The following CAMK1G variants were observed in gnomAD, a reference collection of about 807,000 sequenced individuals.
CAMK1G encodes calcium/calmodulin dependent protein kinase IG.
CAMK1G carries 27 observed loss-of-function variants against 54.8 expected under a neutral mutation model. The observed-to-expected ratio is 0.49, with a 90% CI of 0.36 to 0.68. CAMK1G has a LOEUF of 0.68. CAMK1G is among the 30% of genes least tolerant of loss of function. The pLI, the probability that CAMK1G is intolerant of heterozygous loss-of-function variation, is 0.00. For synonymous variants in CAMK1G, 238 were observed against 224.9 expected (o/e 1.06, Z -0.52); for missense variants, 512 against 591.0 (o/e 0.87, Z 1.39).
chr1:209,607,766 C>A, intron 6 of CAMK1G, 92 bp from the exon 7 acceptor site: 1 of 1,024,144 alleles, frequency 9.8e-7, no homozygotes. Flanking sequence ...ACAGTCTTCC[C>A]CAGACCTCTT....
At chr1:209,612,573 C>T (rs916845101) in intron 11 of CAMK1G, among the ~76,000 whole-genome samples, 1 of 152,192 alleles carries the variant, frequency 6.6e-6, no homozygotes, top group Non-Finnish European at 1.5e-5. Flanking sequence ...GCATCAGATT[C>T]CCCGAGTTTC....
intron 1 of CAMK1G, among the ~76,000 whole-genome samples, chr1:209,586,852 C>A (rs1338921610): frequency 2.0e-5 from 3 of 152,108 alleles, no homozygotes; most frequent in Non-Finnish European, 4.4e-5. Context: ...GCATGAAGCC[C>A]TAGAGAATGA....
intron 6 of CAMK1G, 73 bp downstream of exon 6, chr1:209,606,516 G>T: frequency 6.5e-7 from 1 of 1,541,416 alleles, no homozygotes; most frequent in Non-Finnish European, 8.9e-7. Context: ...CATAGAAAGG[G>T]GTGATTCTGA....
intron 8 of CAMK1G, 104 bp from the exon 9 acceptor site, chr1:209,609,747 A>T (rs1665737125): frequency 2.7e-6 from 3 of 1,118,898 alleles, no homozygotes; most frequent in Non-Finnish European, 4.1e-6. Flanking sequence ...TCTTTGGAAG[A>T]TCAGCTAAAG....
At chr1:209,600,250 T>C in intron 3 of CAMK1G, 139 bp downstream of exon 3, 1 of 1,030,986 alleles carries the variant, frequency 9.7e-7, no homozygotes, top group South Asian at 1.7e-5. Flanking sequence ...GTCAGTTCAG[T>C]CAATTAGCTA....
chr1:209,588,745 T>A (rs1665170841), intron 1 of CAMK1G, among the ~76,000 whole-genome samples: 1 of 152,138 alleles, frequency 6.6e-6, no homozygotes, highest in Non-Finnish European at 1.5e-5. Flanking sequence ...GGTGCTCCCT[T>A]TACTAAATGA....
chr1:209,585,118 A>C (rs1181995309), intron 1 of CAMK1G, among the ~76,000 whole-genome samples: 1 of 152,164 alleles, frequency 6.6e-6, no homozygotes, highest in Admixed American at 6.5e-5. Flanking sequence ...ACGATGCTGC[A>C]GATTGCTCTG....
At chr1:209,598,725 C>T (rs949625294) in intron 2 of CAMK1G, among the ~76,000 whole-genome samples, 2 of 152,222 alleles carry the variant, frequency 1.3e-5, no homozygotes, top group Admixed American at 1.3e-4. Context: ...CAGTCCTTCC[C>T]TCATCTACCC....
chr1:209,598,026 A>G (rs1342097815), intron 2 of CAMK1G, among the ~76,000 whole-genome samples: 1 of 152,214 alleles, frequency 6.6e-6, no homozygotes, highest in Non-Finnish European at 1.5e-5. Context: ...CACATTTCAG[A>G]TGAGGAAACT....
chr1:209,603,391 A>ATG, intron 4 of CAMK1G, 103 bp downstream of exon 4: 1 of 855,014 alleles, frequency 1.2e-6, no homozygotes, highest in South Asian at 1.4e-5. Flanking sequence ...TTCAAAGACA[A>ATG]AAATGAAGAC....
chr1:209,612,183 A>G lies in CAMK1G; in HGVS notation c.1307A>G (p.Glu436Gly), dbSNP rs371880689. ...AAAGGAAAGTCCTCCTACTGCTCTG[A>G]GCCCACACTCCTCAAAAAGGCCAAC... is the stretch of plus-strand genomic sequence containing the variant. ...GSKGKSSYCS[E>G]PTLLKKANKK... Residue 436 changes from glutamate to glycine, a missense_variant, in exon 11 of 13, where the codon GAG (glutamate) becomes GGG (glycine). Around this residue, in one of 3 missense-constraint regions of CAMK1G, gnomAD observed 315 missense variants for 330.5 expected, o/e 0.95. Coordinates refer to ENST00000361322, the MANE Select transcript of CAMK1G (RefSeq NM_020439.3). 4 of 1,614,106 alleles carry G rather than the reference A, an allele frequency of 2.5e-6. No homozygotes were observed. The African/African-American group carries it at 5.3e-5, about 22-fold the overall frequency.
At chr1:209,599,461 A>G (rs1476372991) in intron 2 of CAMK1G, among the ~76,000 whole-genome samples, 1 of 152,216 alleles carries the variant, frequency 6.6e-6, no homozygotes, top group Non-Finnish European at 1.5e-5. Context: ...AGATCTGTAG[A>G]GATAGATGTA....
chr1:209,592,418 G>C (rs947221107), intron 1 of CAMK1G, among the ~76,000 whole-genome samples: 2 of 151,690 alleles, frequency 1.3e-5, no homozygotes. Context: ...ACACCAGAGA[G>C]GTGCACAGCT....
At chr1:209,594,240 C>T (rs1665325506) in intron 1 of CAMK1G, among the ~76,000 whole-genome samples, 1 of 152,156 alleles carries the variant, frequency 6.6e-6, no homozygotes, top group African/African-American at 2.4e-5. Context: ...ACACGTATGA[C>T]TTTACTTGCC....
chr1:209,606,522 T>A (rs1374752930), intron 6 of CAMK1G, 79 bp downstream of exon 6: 5 of 1,514,640 alleles, frequency 3.3e-6, no homozygotes, highest in Non-Finnish European at 4.5e-6. Flanking sequence ...AAGGGGTGAT[T>A]CTGAGAACAT....
At chr1:209,607,796 C>A in intron 6 of CAMK1G, 62 bp from the exon 7 acceptor site, 1 of 1,417,326 alleles carries the variant, frequency 7.1e-7, no homozygotes, top group Non-Finnish European at 9.8e-7. Context: ...TGGCCTTCAG[C>A]TCCCACCCCA....
At chr1:209,591,837 G>A (rs1665257807) in intron 1 of CAMK1G, among the ~76,000 whole-genome samples, 1 of 152,024 alleles carries the variant, frequency 6.6e-6, no homozygotes, top group South Asian at 2.1e-4. Context: ...TCTACTAAAG[G>A]CCCTGATCCC....
intron 6 of CAMK1G, chr1:209,607,647 A>G: frequency 2.0e-6 from 1 of 505,432 alleles, no homozygotes; most frequent in Non-Finnish European, 3.5e-6. Flanking sequence ...AAACTCACAA[A>G]CTAATGCAGA....
At position 209,611,574 on chromosome 1, in the gene CAMK1G, G is replaced by T. The variant is rs572441433; in HGVS notation, c.915+22G>T. 3.7e-6 allele frequency: 6 copies of T among 1,603,352 alleles called. No homozygotes were observed. In the East Asian group the frequency reaches 6.7e-5, roughly 18 times the overall value. ...GAGGGTAAGCTGTCCTCTCCAGGGG[G>T]TGGGAAAGCTGTTCTGGGCCCCTGG... On this transcript the variant is annotated intron_variant, in intron 10 of 12. Coordinates refer to ENST00000361322, the MANE Select transcript of CAMK1G (RefSeq NM_020439.3).
Sources: gnomAD v4.1 joint callset for allele counts (sites outside exome capture counted in the v4.1 genomes callset) on GRCh38, gnomAD v4.1.1 for gene constraint, gnomAD v4.1.1 regional missense constraint, MANE v1.5 for transcripts, NCBI Gene and HGNC (gene_info 2026-07-23, HGNC 2026-07-21) for gene names.